The following GOLGB1 variants were observed in gnomAD, a reference collection of about 807,000 sequenced individuals.
GOLGB1 encodes golgin B1, also known as golgin subfamily B member 1.
In GOLGB1, 174 loss-of-function variants were observed where a neutral mutation model predicts 336.9. That is an observed-to-expected ratio of 0.52 (90% CI 0.46 to 0.59). The LOEUF (loss-of-function observed/expected upper bound fraction) is 0.59. GOLGB1 is among the 20% of genes least tolerant of loss of function. GOLGB1 has a pLI of 0.00. For synonymous variants in GOLGB1, 1,208 were observed against 1,289.2 expected (o/e 0.94, Z 1.35); for missense variants, 3,331 against 3,645.3 (o/e 0.91, Z 2.22).
intron 6 of GOLGB1, among the ~76,000 whole-genome samples, chr3:121,721,398 G>A (rs1945187610): frequency 6.6e-6 from 1 of 152,096 alleles, no homozygotes; most frequent in South Asian, 2.1e-4. Flanking sequence ...AGGCCGAGGT[G>A]TGAGGATCAC....
chr3:121,667,134 GA>G lies in GOLGB1; in HGVS notation c.9554+341del, dbSNP rs1317822589. On this transcript the variant is annotated intron_variant, in intron 20 of 21. Transcript: ENST00000614479. ...TAATCTTTTAAAAAAGATTTCCATG[GA>G]TTCAGATCTCAGGTAGAAAATGAGG... Among the ~76,000 whole-genome samples, 6 of 152,252 alleles carry G rather than the reference GA, an allele frequency of 3.9e-5. No individual in the cohort carries two copies. In the East Asian group the frequency reaches 7.7e-4, roughly 20 times the overall value.
chr3:121,731,089 G>C (rs1560317411), intron 1 of GOLGB1, 116 bp from the exon 2 acceptor site: 1 of 983,944 alleles, frequency 1.0e-6, no homozygotes, highest in Non-Finnish European at 1.5e-6. Context: ...CAGGTGATTT[G>C]TATTAGACAC....
chr3:121,706,701 T>C (rs1451294542), intron 10 of GOLGB1, among the ~76,000 whole-genome samples: 5 of 107,632 alleles, frequency 4.6e-5, no homozygotes, highest in African/African-American at 1.9e-4. Context: ...GCCACTGCAC[T>C]CCAGCCTGGA....
intron 17 of GOLGB1, among the ~76,000 whole-genome samples, chr3:121,676,052 G>A (rs574716088): frequency 2.0e-5 from 3 of 152,340 alleles, no homozygotes; most frequent in Non-Finnish European, 4.4e-5. Flanking sequence ...TACCAATAAA[G>A]AGTCTACAGT....
intron 1 of GOLGB1, among the ~76,000 whole-genome samples, 183 bp from the exon 2 acceptor site, chr3:121,731,156 C>T (rs1161189500): frequency 6.6e-6 from 1 of 152,180 alleles, no homozygotes; most frequent in Non-Finnish European, 1.5e-5. Flanking sequence ...AGTGTAGTCA[C>T]ACGCTGTTCT....
chr3:121,676,934 T>C lies in GOLGB1; in HGVS notation c.9136A>G (p.Ile3046Val), dbSNP rs1404497248. The change falls in exon 17 of 22, where the codon ATT becomes GTT. Residue 3046 changes from isoleucine to valine, a missense_variant. By Grantham distance (29) the Ile-to-Val change is conservative. Coordinates refer to ENST00000614479, the MANE Select transcript of GOLGB1 (RefSeq NM_001366282.2). ...TGAATTCTTAACTCCTTTTGGTGAA[T>C]TTCCTTTAAGCTGTCATTGAGCTGG... ...RTQLNDSLKE[I>V]HQKELRIQQL... 2 of 1,613,822 alleles carry C rather than the reference T, an allele frequency of 1.2e-6. No homozygotes were observed. The highest frequency in any genetic ancestry group is 8.5e-7 in the Non-Finnish European group (1 of 1,179,790).
chr3:121,707,225 C>CAAAAAAAAAAAAAAAA (rs554313106), intron 10 of GOLGB1, among the ~76,000 whole-genome samples: 3 of 93,658 alleles, frequency 3.2e-5, no homozygotes, highest in Non-Finnish European at 6.0e-5. Flanking sequence ...GACTCCATCT[C>CAAAAAAAAAAAAAAAA]AAAAAAAAAA....
intron 6 of GOLGB1, among the ~76,000 whole-genome samples, chr3:121,720,738 C>T (rs1945133946): frequency 6.6e-6 from 1 of 152,164 alleles, no homozygotes; most frequent in South Asian, 2.1e-4. Context: ...TAACTCCTTT[C>T]CCATAACTGT....
At chr3:121,667,376 A>C in intron 20 of GOLGB1, 100 bp downstream of exon 20, 1 of 1,272,312 alleles carries the variant, frequency 7.9e-7, no homozygotes, top group Non-Finnish European at 1.1e-6. Context: ...CCTCAAGATG[A>C]GAAAAAGATC....
In GOLGB1 at chr3:121,718,475, A is replaced by G. The variant is rs201657250; in HGVS notation, c.798T>C (p.Leu266=). Residue 266 remains leucine, a synonymous_variant, in exon 8 of 22, where the codon CTT becomes CTC. Coordinates refer to ENST00000614479, the MANE Select transcript of GOLGB1 (RefSeq NM_001366282.2). The part of the protein sequence containing the change: ...QQKLRVLQRK[L]EEHEESLVGR... ...CCACCAAGGATTCTTCGTGTTCCTCAAGCTTCCTTTGCAGCACCCTCAATT... is the reference window on the plus strand; with the variant it reads ...CCACCAAGGATTCTTCGTGTTCCTCGAGCTTCCTTTGCAGCACCCTCAATT... 6.8e-6 allele frequency: 11 copies of G among 1,613,720 alleles called. No homozygotes were observed. The highest frequency in any genetic ancestry group is 9.3e-6 in the Non-Finnish European group (11 of 1,179,618).
At chr3:121,734,756 C>T (rs78241548) in intron 1 of GOLGB1, among the ~76,000 whole-genome samples, 1 of 152,304 alleles carries the variant, frequency 6.6e-6, no homozygotes, top group East Asian at 1.9e-4. Context: ...GATTAGAATA[C>T]AAAATGGCAC....
rs1437789664 is a variant in GOLGB1 at position 121,691,502 on chromosome 3, C to T, written c.7862G>A (p.Arg2621Lys). 6.2e-7 allele frequency: 1 copy of T among 1,612,088 alleles called. No individual in the cohort carries two copies. The highest frequency in any genetic ancestry group is 1.7e-5 in the Admixed American group (1 of 59,648). ...SLKVSISQLT[R>K]QVTALQEEGT... ...TTCTTCTTGCAAGGCTGTTACTTGTCTTGTTAGCTGGGATATAGATACTTT... is the reference window on the plus strand; with the variant it reads ...TTCTTCTTGCAAGGCTGTTACTTGTTTTGTTAGCTGGGATATAGATACTTT... Residue 2621 changes from arginine to lysine, a missense_variant, in exon 14 of 22, where the codon AGA becomes AAA. Coordinates refer to ENST00000614479, the MANE Select transcript of GOLGB1 (RefSeq NM_001366282.2).
At chr3:121,733,785 A>C (rs77452441) in intron 1 of GOLGB1, among the ~76,000 whole-genome samples, 1 of 152,200 alleles carries the variant, frequency 6.6e-6, no homozygotes. Context: ...ACAAAGGTAC[A>C]AATGCAATTA....
chr3:121,665,882 A>G (rs1490378170), intron 20 of GOLGB1, among the ~76,000 whole-genome samples: 2 of 152,180 alleles, frequency 1.3e-5, no homozygotes, highest in Non-Finnish European at 2.9e-5. Flanking sequence ...GAGAGAAGAA[A>G]CACCTTAATC....
Position 121,691,018 on chromosome 3 carries a change from TAA to T in GOLGB1, c.8344_8345del (p.Leu2782LysfsTer10). ...AAAGAAGAGCATCTCTCTCTCTGTT[TAA>T]GAGTCCCTGTTCTTTCAACTGTGCC... Reference protein sequence around the residue: ...ELAQLKEQGLLNRERDALLSE... With the variant: ...ELAQLKEQGLXNRERDALLSE... On this transcript the variant is annotated frameshift_variant, in exon 14 of 22. Coordinates refer to ENST00000614479, the MANE Select transcript of GOLGB1 (RefSeq NM_001366282.2). LOFTEE classifies it high-confidence loss of function. 6.2e-7 allele frequency: 1 copy of T among 1,613,920 alleles called. No individual in the cohort carries two copies. The highest frequency in any genetic ancestry group is 8.5e-7 in the Non-Finnish European group (1 of 1,179,844).
At position 121,730,925 on chromosome 3, in the gene GOLGB1, A is replaced by AATTC. The variant is rs1336529239; in HGVS notation, c.43_46dup (p.Leu16Ter). 6.2e-7 allele frequency: 1 copy of AATTC among 1,613,100 alleles called. No individual in the cohort carries two copies. Among genetic ancestry groups the AATTC allele is most frequent in the Non-Finnish European group, 8.5e-7 (1 of 1,179,332 alleles). ...CTGATCAGTGTCATCATCTCCTGATAATTCATGCAAAACAACATTTGCTAA... is the reference window on the plus strand; with the variant it reads ...CTGATCAGTGTCATCATCTCCTGATAATTCATTCATGCAAAACAACATTTGCTAA... On this transcript the variant is annotated stop_gained and frameshift_variant, in exon 2 of 22. Transcript: ENST00000614479. LOFTEE classifies it high-confidence loss of function.
At chr3:121,681,230 T>C (rs955670674) in intron 15 of GOLGB1, among the ~76,000 whole-genome samples, 6 of 152,208 alleles carry the variant, frequency 3.9e-5, no homozygotes, top group African/African-American at 1.4e-4. Flanking sequence ...CAAAGGGTTA[T>C]ATACTGCAAG....
At chr3:121,675,156 T>A (rs1305455788) in intron 17 of GOLGB1, among the ~76,000 whole-genome samples, 1 of 152,212 alleles carries the variant, frequency 6.6e-6, no homozygotes, top group African/African-American at 2.4e-5. Context: ...TTCTTACAGT[T>A]GAGTTCTAAA....
intron 1 of GOLGB1, among the ~76,000 whole-genome samples, chr3:121,739,479 T>A (rs6438650): frequency 6.6e-6 from 1 of 152,064 alleles, no homozygotes; most frequent in African/African-American, 2.4e-5. Context: ...AAAATAAACA[T>A]CAGAAATAGA....
Sources: allele counts gnomAD v4.1 joint callset (sites outside exome capture counted in the v4.1 genomes callset), GRCh38; gene constraint gnomAD v4.1.1; transcripts MANE v1.5; gene names NCBI Gene and HGNC (gene_info 2026-07-23, HGNC 2026-07-21).